GPC3: variants seen among roughly 807,000 people sequenced by gnomAD.
GPC3 encodes glypican-3.
In GPC3, 3 loss-of-function variants were observed where a neutral mutation model predicts 34.4. That is an observed-to-expected ratio of 0.09 (90% CI 0.04 to 0.23). GPC3 has a LOEUF of 0.23. GPC3 is among the 10% of genes least tolerant of loss of function. The pLI is 1.00. For missense variants in GPC3, 351 were observed against 445.6 expected (o/e 0.79, Z 1.91); for synonymous variants, 177 against 174.0 (o/e 1.02, Z -0.13).
chrX:133,546,109 TA>T (rs1192139549), intron 7 of GPC3, among the ~76,000 whole-genome samples: 2 of 111,821 alleles, frequency 1.8e-5, no homozygotes, highest in Non-Finnish European at 3.8e-5. Flanking sequence ...TTCTCTAACT[TA>T]TCTCCTCTTG....
At chrX:133,635,661 G>A (rs1351082720) in intron 6 of GPC3, among the ~76,000 whole-genome samples, 1 of 110,221 alleles carries the variant, frequency 9.1e-6, no homozygotes. Context: ...ACAGACAAAG[G>A]ATTTAAGGTC....
At chrX:133,936,747 C>T (rs1309869533) in intron 2 of GPC3, among the ~76,000 whole-genome samples, 1 of 112,380 alleles carries the variant, frequency 8.9e-6, no homozygotes, top group Non-Finnish European at 1.9e-5. Flanking sequence ...CACCACTAAA[C>T]TGATTAAAGC....
intron 6 of GPC3, among the ~76,000 whole-genome samples, chrX:133,601,288 C>T (rs1162233575): frequency 1.8e-5 from 2 of 112,151 alleles, no homozygotes; most frequent in South Asian, 3.7e-4. Flanking sequence ...CTTTAATAAA[C>T]AATGTTTGTG....
At chrX:133,540,402 G>C (rs2069330421) in intron 7 of GPC3, among the ~76,000 whole-genome samples, 1 of 112,746 alleles carries the variant, frequency 8.9e-6, no homozygotes, top group African/African-American at 3.2e-5. Flanking sequence ...GTCTTTTGCA[G>C]CAACTTGGAT....
At chrX:133,538,951 G>A (rs1375967784) in intron 7 of GPC3, among the ~76,000 whole-genome samples, 2 of 101,589 alleles carry the variant, frequency 2.0e-5, no homozygotes, top group Non-Finnish European at 4.0e-5. Flanking sequence ...AAACTCCTGA[G>A]CTCAAGCGAT....
intron 2 of GPC3, among the ~76,000 whole-genome samples, chrX:133,951,938 A>G (rs1317896789): frequency 9.0e-6 from 1 of 111,125 alleles, no homozygotes; most frequent in African/African-American, 3.3e-5. Context: ...AGTGCCATAA[A>G]TCTCAAGCTT....
intron 2 of GPC3, among the ~76,000 whole-genome samples, chrX:133,894,964 T>C (rs2076105274): frequency 8.9e-6 from 1 of 112,752 alleles, no homozygotes; most frequent in African/African-American, 3.2e-5. Context: ...CATTTTTAGC[T>C]AATTGGTCCA....
At chrX:133,666,443 T>C (rs186064675) in intron 5 of GPC3, among the ~76,000 whole-genome samples, 20 of 112,673 alleles carry the variant, frequency 1.8e-4, no homozygotes, top group Admixed American at 5.6e-4. Context: ...GGCTTAGGCC[T>C]AAAGCTTGCC....
At chrX:133,823,155 A>C (rs1427874590) in intron 2 of GPC3, among the ~76,000 whole-genome samples, 3 of 102,580 alleles carry the variant, frequency 2.9e-5, no homozygotes, top group Admixed American at 1.1e-4. Context: ...AAAAAAAAAA[A>C]AAAAAAAAAA....
intron 2 of GPC3, among the ~76,000 whole-genome samples, chrX:133,881,074 A>G (rs1414762317): frequency 8.9e-6 from 1 of 112,363 alleles, no homozygotes; most frequent in Non-Finnish European, 1.9e-5. Context: ...AAGTTTGTTA[A>G]TCATTTGGTC....
chrX:133,806,810 G>A (rs182704184), intron 2 of GPC3, among the ~76,000 whole-genome samples: 324 of 109,147 alleles, frequency 3.0e-3, no homozygotes, highest in Non-Finnish European at 4.5e-3. Context: ...CACCACGCCC[G>A]GCTAATTTTT....
chrX:133,846,278 TCAAATACAA>T (rs1436346770), intron 2 of GPC3, among the ~76,000 whole-genome samples: 1 of 111,828 alleles, frequency 8.9e-6, no homozygotes, highest in Non-Finnish European at 1.9e-5. Flanking sequence ...TTAAATAACC[TCAAATACAA>T]ACTAACCCTG....
intron 2 of GPC3, among the ~76,000 whole-genome samples, chrX:133,934,971 T>C (rs1197109752): frequency 1.8e-5 from 2 of 111,746 alleles, no homozygotes; most frequent in Non-Finnish European, 3.8e-5. Flanking sequence ...GTCTAGCTCT[T>C]CCATTTTCAA....
rs180797858 is a variant in GPC3, at chrX:133,695,757, T to A, written c.1167-3263A>T. Among the ~76,000 whole-genome samples, 96 of 112,418 alleles carry A rather than the reference T, an allele frequency of 8.5e-4. 1 individual carries two copies. Among genetic ancestry groups the A allele is most frequent in the African/African-American group, 3.0e-3 (93 of 30,975 alleles). On this transcript the variant is annotated intron_variant, in intron 4 of 7. Transcript: ENST00000370818. ...AGAAATATATGTTCACTATGGAGAA[T>A]TTAGAAAATAAAGAAAGATAGAAAG...
chrX:133,893,455 TTTA>T (rs1348092121), intron 2 of GPC3, among the ~76,000 whole-genome samples: 4 of 112,122 alleles, frequency 3.6e-5, no homozygotes, highest in African/African-American at 6.5e-5. Context: ...TTATTTATTC[TTTA>T]TTATCGTTAG....
At chrX:133,850,195 T>G (rs1401064841) in intron 2 of GPC3, among the ~76,000 whole-genome samples, 14 of 56,979 alleles carry the variant, frequency 2.5e-4, no homozygotes, top group Non-Finnish European at 3.8e-4. Flanking sequence ...TTGGGTTTTG[T>G]TTTTTTTTTT....
At chrX:133,784,682 C>T (rs898619048) in intron 2 of GPC3, among the ~76,000 whole-genome samples, 1 of 112,380 alleles carries the variant, frequency 8.9e-6, no homozygotes, top group Non-Finnish European at 1.9e-5. Context: ...AGAAGAGGGG[C>T]ATGATCCCTC....
chrX:133,771,140 A>T (rs2071914908), intron 2 of GPC3, among the ~76,000 whole-genome samples: 1 of 112,150 alleles, frequency 8.9e-6, no homozygotes, highest in East Asian at 2.8e-4. Context: ...AATTACTTAA[A>T]GGCCCGGGCA....
chrX:133,565,904 A>G (rs772753286), intron 7 of GPC3, among the ~76,000 whole-genome samples: 1 of 112,523 alleles, frequency 8.9e-6, no homozygotes, highest in Non-Finnish European at 1.9e-5. Flanking sequence ...GCCAGCAGTA[A>G]GACTTCACTT....
Sources: allele counts gnomAD v4.1 joint callset (sites outside exome capture counted in the v4.1 genomes callset), GRCh38; gene constraint gnomAD v4.1.1; transcripts MANE v1.5; gene names NCBI Gene and HGNC (gene_info 2026-07-23, HGNC 2026-07-21).